Variants in NR3C2 observed in about 807,000 individuals in gnomAD.
NR3C2 encodes the protein mineralocorticoid receptor.
In NR3C2, 15 loss-of-function variants were observed where a neutral mutation model predicts 86.4. The observed-to-expected ratio is 0.17, with a 90% CI of 0.12 to 0.27. NR3C2 has a LOEUF of 0.27. Among genes scored for constraint, NR3C2 ranks in the 10% least tolerant of loss-of-function variants. The probability of loss-of-function intolerance (pLI) is 1.00; values close to 1 mark genes in which losing one functional copy is unlikely to be tolerated. For missense variants in NR3C2, 960 were observed against 1,195.6 expected, an observed-to-expected ratio of 0.80 and a Z score of 2.91; for synonymous variants, 458 against 450.5, an observed-to-expected ratio of 1.02 and a Z score of -0.21.
At chr4:148,110,918 G>A (rs1384170775) in intron 8 of NR3C2, among the ~76,000 whole-genome samples, 1 of 152,142 alleles carries the variant, frequency 6.6e-6, no homozygotes, top group African/African-American at 2.4e-5. Context: ...AAAGCTCCAT[G>A]ACACTGGCTT....
At chr4:148,272,652 T>C (rs2149886720) in intron 2 of NR3C2, among the ~76,000 whole-genome samples, 1 of 152,328 alleles carries the variant, frequency 6.6e-6, no homozygotes, top group South Asian at 2.1e-4. Flanking sequence ...CGATAACTGT[T>C]AAGTATACCA....
chr4:148,182,095 G>A (rs11099680), intron 4 of NR3C2, among the ~76,000 whole-genome samples: 118,271 of 152,184 alleles, frequency 0.78, 46,628 homozygotes, highest in African/African-American at 0.92. Flanking sequence ...CAAGTATTAC[G>A]CTATGTTGCC....
chr4:148,350,218 T>C (rs1189313782), intron 2 of NR3C2, among the ~76,000 whole-genome samples: 5 of 152,294 alleles, frequency 3.3e-5, no homozygotes, highest in South Asian at 4.1e-4. Context: ...TTACAAAGTA[T>C]AGAAGGAGGT....
chr4:148,427,656 A>G (rs1256416112), intron 2 of NR3C2, among the ~76,000 whole-genome samples: 1 of 152,046 alleles, frequency 6.6e-6, no homozygotes, highest in Non-Finnish European at 1.5e-5. Flanking sequence ...GGGTGTCCCT[A>G]TGACCCAGAA....
chr4:148,320,851 G>C (rs1456894669), intron 2 of NR3C2, among the ~76,000 whole-genome samples: 3 of 150,534 alleles, frequency 2.0e-5, no homozygotes, highest in Non-Finnish European at 3.0e-5. Context: ...TTAATTTTTT[G>C]AAAGGTTTTT....
rs115803099 is a variant in NR3C2, at chr4:148,146,231, G to A, written c.2510+6238C>T. Among the ~76,000 whole-genome samples, 932 of 152,176 alleles carry A rather than the reference G, an allele frequency of 6.1e-3. 8 individuals carry two copies. The highest frequency in any genetic ancestry group is 0.033 in the South Asian group (160 of 4,810). On this transcript the variant is annotated intron_variant, in intron 6 of 8. Transcript: ENST00000358102. ...GCCCTAACCCTGATGGGGTGAGGAG[G>A]GTCCAGGCACAGAAGTCACCTCCAG...
At chr4:148,165,371 A>G (rs1734832699) in intron 4 of NR3C2, among the ~76,000 whole-genome samples, 2 of 152,124 alleles carry the variant, frequency 1.3e-5, no homozygotes, top group African/African-American at 4.8e-5. Flanking sequence ...TAATTTGTGT[A>G]CTAAGAAATA....
intron 2 of NR3C2, among the ~76,000 whole-genome samples, chr4:148,322,417 C>T (rs1032372970): frequency 6.9e-4 from 78 of 112,634 alleles, no homozygotes; most frequent in African/African-American, 3.1e-3. Context: ...TGAATCTGAA[C>T]GTTGGCCTGC....
intron 3 of NR3C2, among the ~76,000 whole-genome samples, chr4:148,217,963 C>A (rs770014730): frequency 1.4e-4 from 22 of 152,168 alleles, no homozygotes; most frequent in Non-Finnish European, 2.8e-4. Context: ...AAAACCAAGG[C>A]AAATCTACTG....
At chr4:148,214,373 T>TA (rs138529290) in intron 3 of NR3C2, among the ~76,000 whole-genome samples, 31 of 151,626 alleles carry the variant, frequency 2.0e-4, no homozygotes, top group East Asian at 1.4e-3. Context: ...TTTTTTTTTT[T>TA]AAAAAGGAAA....
At chr4:148,404,259 A>G (rs1428328310) in intron 2 of NR3C2, among the ~76,000 whole-genome samples, 1 of 152,132 alleles carries the variant, frequency 6.6e-6, no homozygotes, top group Non-Finnish European at 1.5e-5. Context: ...GAAATTATTC[A>G]CTGATTATTT....
At chr4:148,194,098 T>C (rs550928529) in intron 4 of NR3C2, among the ~76,000 whole-genome samples, 1 of 152,324 alleles carries the variant, frequency 6.6e-6, no homozygotes, top group African/African-American at 2.4e-5. Context: ...GTTCCTCCCA[T>C]TATTTGTCTT....
chr4:148,216,342 A>G (rs958449691), intron 3 of NR3C2, among the ~76,000 whole-genome samples: 1 of 152,160 alleles, frequency 6.6e-6, no homozygotes, highest in Non-Finnish European at 1.5e-5. Flanking sequence ...TGCCGAAGTC[A>G]AAAGTGTGCT....
rs544091490 is a variant in NR3C2 at position 148,240,892 on chromosome 4, G to A, written c.1897+19086C>T. ...GCTGCTAAGTGCTGTGCCTGGCCACGGGCCTTTGTAATCTTTCTCACTGCC... is the reference window on the plus strand; with the variant it reads ...GCTGCTAAGTGCTGTGCCTGGCCACAGGCCTTTGTAATCTTTCTCACTGCC... On this transcript the variant is annotated intron_variant, in intron 3 of 8. Coordinates refer to ENST00000358102, the MANE Select transcript of NR3C2 (RefSeq NM_000901.5). 6.6e-5 allele frequency among the ~76,000 whole-genome samples: 10 copies of A among 152,272 alleles called. No individual in the cohort carries two copies. In the East Asian group the frequency reaches 9.7e-4, roughly 15 times the overall value.
rs746850555 is a variant in NR3C2, at chr4:148,120,249, C to G, written c.2550G>C (p.Gln850His). Reference sequence around the variant, plus strand: ...ACTGAAGGCTGATTTGGTGCATCCCCTGGCATAGTTCATACATGGCAGACT... The same window carrying G: ...ACTGAAGGCTGATTTGGTGCATCCCGTGGCATAGTTCATACATGGCAGACT... ...MHQSAMYELC[Q>H]GMHQISLQFV... The change falls in exon 7 of 9, where the codon CAG becomes CAC. Residue 850 changes from glutamine (Q) to histidine (H), a missense_variant. Transcript: ENST00000358102. The G allele has an allele frequency of 9.9e-6, 16 of 1,614,038 alleles. No homozygotes were observed. The highest frequency in any genetic ancestry group is 8.5e-7 in the Non-Finnish European group (1 of 1,180,012).
intron 2 of NR3C2, among the ~76,000 whole-genome samples, chr4:148,264,349 A>C (rs991066180): frequency 3.9e-5 from 6 of 152,254 alleles, no homozygotes; most frequent in African/African-American, 1.4e-4. Context: ...ACACATTTAG[A>C]TTATACATAT....
At chr4:148,283,977 T>C (rs1011028352) in intron 2 of NR3C2, among the ~76,000 whole-genome samples, 2 of 152,144 alleles carry the variant, frequency 1.3e-5, no homozygotes, top group Non-Finnish European at 2.9e-5. Flanking sequence ...CATATACTAA[T>C]TCGATTCACT....
At chr4:148,306,410 C>T (rs1742626469) in intron 2 of NR3C2, among the ~76,000 whole-genome samples, 1 of 152,228 alleles carries the variant, frequency 6.6e-6, no homozygotes, top group African/African-American at 2.4e-5. Context: ...CAATTTATCA[C>T]TCCTATGTCG....
At chr4:148,407,191 C>T (rs531517158) in intron 2 of NR3C2, among the ~76,000 whole-genome samples, 1 of 152,222 alleles carries the variant, frequency 6.6e-6, no homozygotes, top group South Asian at 2.1e-4. Context: ...AGAATTCAAA[C>T]CCAAGCAGTG....
Sources: allele counts gnomAD v4.1 joint callset (sites outside exome capture counted in the v4.1 genomes callset), GRCh38; gene constraint gnomAD v4.1.1; transcripts MANE v1.5; gene names NCBI Gene and HGNC (gene_info 2026-07-23, HGNC 2026-07-21).